The following MSRA variants were observed in gnomAD, a reference collection of about 807,000 sequenced individuals.
MSRA encodes mitochondrial peptide methionine sulfoxide reductase.
In MSRA, 54 loss-of-function variants were observed where a neutral mutation model predicts 31.3. The ratio of observed to expected loss-of-function variants is 1.73; its 90% confidence interval spans 1.39 to 2.17. The LOEUF (loss-of-function observed/expected upper bound fraction) is 2.17. MSRA is among the 30% of genes most tolerant of loss of function. The probability of loss-of-function intolerance (pLI) is 0.00; values close to 1 mark genes in which losing one functional copy is unlikely to be tolerated. For missense variants in MSRA, 507 were observed against 300.9 expected (o/e 1.69, Z -5.07); for synonymous variants, 169 against 116.5 (o/e 1.45, Z -2.90).
At chr8:10,118,435 G>A (rs939908317) in intron 1 of MSRA, among the ~76,000 whole-genome samples, 2 of 152,084 alleles carry the variant, frequency 1.3e-5, no homozygotes, top group African/African-American at 4.8e-5. Context: ...CTCTGTATCT[G>A]CTTTATAACC....
At chr8:10,394,952 T>C (rs2129181343) in intron 5 of MSRA, among the ~76,000 whole-genome samples, 1 of 152,350 alleles carries the variant, frequency 6.6e-6, no homozygotes, top group Middle Eastern at 3.4e-3. Flanking sequence ...CTCTTCGATG[T>C]TGATGATATT....
intron 1 of MSRA, among the ~76,000 whole-genome samples, chr8:10,119,589 T>C (rs1800955869): frequency 6.6e-6 from 1 of 152,152 alleles, no homozygotes; most frequent in South Asian, 2.1e-4. Context: ...GCCTTGCCCT[T>C]TGGGAGAGAA....
intron 1 of MSRA, among the ~76,000 whole-genome samples, chr8:10,161,177 G>A (rs1002510609): frequency 6.6e-6 from 1 of 151,946 alleles, no homozygotes; most frequent in African/African-American, 2.4e-5. Flanking sequence ...CTCCTTTGCC[G>A]CCTGGTTCAA....
chr8:10,061,869 A>G (rs1192997617), intron 1 of MSRA, among the ~76,000 whole-genome samples: 1 of 152,092 alleles, frequency 6.6e-6, no homozygotes, highest in Non-Finnish European at 1.5e-5. Context: ...TCATCTTTAA[A>G]TCTCTGAGCA....
At chr8:10,096,316 A>G in intron 1 of MSRA, 2 of 1,089,728 alleles carry the variant, frequency 1.8e-6, no homozygotes, top group Non-Finnish European at 2.2e-6. Flanking sequence ...GCAAACAAGA[A>G]ATGTGAGCTT....
intron 3 of MSRA, among the ~76,000 whole-genome samples, chr8:10,251,438 A>G (rs140456707): frequency 2.1e-3 from 313 of 152,290 alleles, no homozygotes; most frequent in African/African-American, 6.9e-3. Flanking sequence ...CAGTCAAGGT[A>G]AATTACTAAG....
intron 5 of MSRA, among the ~76,000 whole-genome samples, chr8:10,365,003 A>G (rs1805073711): frequency 6.6e-6 from 1 of 152,134 alleles, no homozygotes; most frequent in Non-Finnish European, 1.5e-5. Flanking sequence ...CACATTTGAT[A>G]TTCTCTTTAT....
intron 5 of MSRA, among the ~76,000 whole-genome samples, chr8:10,416,465 T>C (rs897441083): frequency 4.6e-5 from 7 of 152,218 alleles, no homozygotes; most frequent in Non-Finnish European, 7.3e-5. Flanking sequence ...AGTGTCCTTA[T>C]GTGAGGGCCC....
chr8:10,106,184 G>T (rs969294007), intron 1 of MSRA, among the ~76,000 whole-genome samples: 1 of 152,174 alleles, frequency 6.6e-6, no homozygotes, highest in African/African-American at 2.4e-5. Context: ...GTGGAAGTCA[G>T]ACCTTGAGGT....
At chr8:10,096,391 A>T (rs918936301) in intron 1 of MSRA, 7 of 701,152 alleles carry the variant, frequency 1.0e-5, no homozygotes, top group Admixed American at 6.0e-5. Context: ...GGAGGTGTCT[A>T]TGTCTAAGAG....
chr8:10,098,749 A>G (rs1333183756), intron 1 of MSRA, among the ~76,000 whole-genome samples: 1 of 152,234 alleles, frequency 6.6e-6, no homozygotes, highest in East Asian at 1.9e-4. Context: ...TTTATTGGCC[A>G]GAAAACTTGA....
chr8:10,063,715 C>T (rs1485667133), intron 1 of MSRA, among the ~76,000 whole-genome samples: 1 of 152,156 alleles, frequency 6.6e-6, no homozygotes, highest in Non-Finnish European at 1.5e-5. Context: ...AGGCGCTGTC[C>T]GTGAACCAGA....
chr8:10,169,574 G>C (rs1288928140), intron 1 of MSRA, among the ~76,000 whole-genome samples: 5 of 152,070 alleles, frequency 3.3e-5, no homozygotes, highest in Admixed American at 3.3e-4. Flanking sequence ...GTGATTCTTA[G>C]ATAAGACACA....
chr8:10,218,117 TTTATTTA>T (rs1810161618), intron 2 of MSRA, among the ~76,000 whole-genome samples: 1 of 45,686 alleles, frequency 2.2e-5, no homozygotes, highest in South Asian at 4.6e-4. Context: ...TCCTTTTCTA[TTTATTTA>T]TTTATTTATT....
At chr8:10,103,877 C>G (rs73528933) in intron 1 of MSRA, among the ~76,000 whole-genome samples, 7,781 of 151,886 alleles carry the variant, frequency 0.051, 282 homozygotes, top group South Asian at 0.11. Context: ...ATAACTAAAG[C>G]CTTACTCTCT....
At chr8:10,261,815 C>T (rs1798500747) in intron 3 of MSRA, among the ~76,000 whole-genome samples, 1 of 152,180 alleles carries the variant, frequency 6.6e-6, no homozygotes, top group Non-Finnish European at 1.5e-5. Flanking sequence ...ATTATAGAAT[C>T]ATGCAGAATA....
Position 10,428,803 on chromosome 8 carries a change from ATG to A in MSRA, c.*494_*495del, listed in dbSNP as rs1809369872. On this transcript the variant is annotated 3_prime_UTR_variant, in exon 6 of 6. Coordinates refer to ENST00000317173, the MANE Select transcript of MSRA (RefSeq NM_012331.5). ...TCAGCCCTCTCTGTGCAGAGAAAAG[ATG>A]TGAGTCCGCTTGATGAATTCTAATG... 1 of 160,466 alleles carries A rather than the reference ATG, an allele frequency of 6.2e-6. No individual in the cohort carries two copies. Among genetic ancestry groups the A allele is most frequent in the South Asian group, 1.9e-4 (1 of 5,386 alleles). 9.9% of individuals were successfully genotyped at this position (160,466 alleles called of 1,614,324 possible).
chr8:10,147,466 C>T (rs766072372), intron 1 of MSRA, among the ~76,000 whole-genome samples: 15 of 152,158 alleles, frequency 9.9e-5, no homozygotes, highest in Admixed American at 2.0e-4. Flanking sequence ...TCTCCCAAGG[C>T]GTGTGGTCCA....
At chr8:10,107,157 A>C (rs1799941338) in intron 1 of MSRA, among the ~76,000 whole-genome samples, 1 of 152,196 alleles carries the variant, frequency 6.6e-6, no homozygotes, top group Admixed American at 6.5e-5. Flanking sequence ...GAGAGGAGAA[A>C]GGATCCTGCT....
Sources: gnomAD v4.1 joint callset for allele counts (sites outside exome capture counted in the v4.1 genomes callset) on GRCh38, gnomAD v4.1.1 for gene constraint, MANE v1.5 for transcripts, NCBI Gene and HGNC (gene_info 2026-07-23, HGNC 2026-07-21) for gene names.